The following AK5 variants were observed in gnomAD, a reference collection of about 807,000 sequenced individuals.
The protein encoded by AK5 is adenylate kinase 5, also known as adenylate kinase isoenzyme 5.
In AK5, 27 loss-of-function variants were observed where a neutral mutation model predicts 69.5. The ratio of observed to expected loss-of-function variants is 0.39; its 90% CI spans 0.29 to 0.54. AK5 has a LOEUF of 0.54. AK5 is among the 20% of genes least tolerant of loss of function. The probability of loss-of-function intolerance (pLI) is 0.71; values close to 1 mark genes in which losing one functional copy is unlikely to be tolerated. For synonymous variants in AK5, 260 were observed against 244.4 expected (o/e 1.06, Z -0.60); for missense variants, 531 against 700.4 (o/e 0.76, Z 2.73).
chr1:77,375,832 C>T (rs930492186), intron 6 of AK5, among the ~76,000 whole-genome samples: 2 of 152,122 alleles, frequency 1.3e-5, no homozygotes, highest in South Asian at 2.1e-4. Flanking sequence ...TGGAAGCCTG[C>T]GACTGACTCT....
chr1:77,334,584 C>G (rs1661253805), intron 5 of AK5, among the ~76,000 whole-genome samples: 1 of 152,070 alleles, frequency 6.6e-6, no homozygotes, highest in Non-Finnish European at 1.5e-5. Flanking sequence ...TCTCAGGTGT[C>G]TCTTTTGCTC....
chr1:77,371,874 G>A (rs1029140368), intron 6 of AK5, among the ~76,000 whole-genome samples: 2 of 152,172 alleles, frequency 1.3e-5, no homozygotes, highest in African/African-American at 2.4e-5. Flanking sequence ...CATCATGGGA[G>A]AAGGAAGAGG....
chr1:77,517,356 A>G (rs571771547), intron 10 of AK5, among the ~76,000 whole-genome samples: 72 of 152,240 alleles, frequency 4.7e-4, no homozygotes, highest in African/African-American at 1.6e-3. Flanking sequence ...TGGCCAGGTC[A>G]ATGTGGCCAC....
chr1:77,502,577 A>G (rs995463862), intron 10 of AK5, among the ~76,000 whole-genome samples: 1 of 152,242 alleles, frequency 6.6e-6, no homozygotes, highest in African/African-American at 2.4e-5. Flanking sequence ...AGTCTAATGT[A>G]GGCCTCCTCC....
At chr1:77,395,836 T>TCGC (rs1366504227) in intron 6 of AK5, among the ~76,000 whole-genome samples, 2 of 152,188 alleles carry the variant, frequency 1.3e-5, no homozygotes, top group Non-Finnish European at 2.9e-5. Flanking sequence ...AAGAGCATCG[T>TCGC]CTATTTCTTC....
chr1:77,430,164 G>A (rs1404068743), intron 8 of AK5, among the ~76,000 whole-genome samples: 13 of 152,032 alleles, frequency 8.6e-5, no homozygotes, highest in Admixed American at 8.5e-4. Flanking sequence ...GGCATCTATG[G>A]AGTCCAGAGT....
chr1:77,338,432 G>A (rs955139002), intron 5 of AK5, among the ~76,000 whole-genome samples: 2 of 152,206 alleles, frequency 1.3e-5, no homozygotes, highest in Non-Finnish European at 2.9e-5. Flanking sequence ...ATTTAGGTGG[G>A]AAGTTGCTGA....
At chr1:77,294,484 T>C (rs1284447945) in intron 3 of AK5, among the ~76,000 whole-genome samples, 1 of 152,164 alleles carries the variant, frequency 6.6e-6, no homozygotes, top group African/African-American at 2.4e-5. Context: ...TTACTCACTA[T>C]TAACTTTAGA....
chr1:77,292,461 A>G (rs1214301311), intron 2 of AK5, among the ~76,000 whole-genome samples: 1 of 152,176 alleles, frequency 6.6e-6, no homozygotes, highest in Non-Finnish European at 1.5e-5. Flanking sequence ...GCCTTATGCC[A>G]TGCTAAGATA....
At position 77,558,878 on chromosome 1, in the gene AK5, A is replaced by ATTCT; in HGVS notation, c.*209_*212dup. The ATTCT allele has an allele frequency of 5.6e-6, 3 of 533,582 alleles. No homozygotes were observed. The highest frequency in any genetic ancestry group is 6.7e-5 in the Admixed American group (2 of 29,780). The allele number at this position is 533,582 out of a possible 1,614,324, so 33.1% of individuals were successfully genotyped here. A position where few individuals can be genotyped will look rare whatever the true frequency, so the allele number is the denominator to read the frequency against. ...GGTGTATTTGGGACTATATCAACCT[A>ATTCT]TTCTCCACACTTCAGACAACTGTCT... is the stretch of plus-strand genomic sequence containing the variant. On this transcript the variant is annotated 3_prime_UTR_variant, in exon 14 of 14. Transcript: ENST00000354567.
intron 6 of AK5, among the ~76,000 whole-genome samples, chr1:77,351,125 G>T (rs190753722): frequency 3.4e-4 from 52 of 152,284 alleles, no homozygotes; most frequent in Admixed American, 2.1e-3. Context: ...CGGGCGCGGT[G>T]GCTCATGTCT....
At chr1:77,352,505 A>G (rs908230757) in intron 6 of AK5, among the ~76,000 whole-genome samples, 2 of 152,208 alleles carry the variant, frequency 1.3e-5, no homozygotes, top group Admixed American at 1.3e-4. Flanking sequence ...ACCAGAACTT[A>G]TGTCCAAGTA....
intron 6 of AK5, among the ~76,000 whole-genome samples, chr1:77,358,035 G>GAGAC (rs1662636573): frequency 6.6e-6 from 1 of 151,456 alleles, no homozygotes; most frequent in East Asian, 1.9e-4. Flanking sequence ...GAGAGAGAGA[G>GAGAC]AGAGACAGAG....
intron 8 of AK5, among the ~76,000 whole-genome samples, chr1:77,481,690 C>T (rs1298091593): frequency 1.3e-5 from 2 of 152,206 alleles, no homozygotes; most frequent in Non-Finnish European, 2.9e-5. Flanking sequence ...AAAGCACAAG[C>T]CAGAGGCTGT....
chr1:77,405,777 C>T (rs114053350), intron 6 of AK5, among the ~76,000 whole-genome samples: 1 of 152,134 alleles, frequency 6.6e-6, no homozygotes. Context: ...ACTCCCTCCC[C>T]CTACCAGACT....
At chr1:77,447,603 G>T (rs77349989) in intron 8 of AK5, among the ~76,000 whole-genome samples, 2 of 152,228 alleles carry the variant, frequency 1.3e-5, no homozygotes, top group East Asian at 1.9e-4. Flanking sequence ...AATTAATTTC[G>T]TGGCTTCTCT....
At chr1:77,506,786 G>T (rs976930158) in intron 10 of AK5, among the ~76,000 whole-genome samples, 6 of 152,140 alleles carry the variant, frequency 3.9e-5, no homozygotes, top group African/African-American at 1.4e-4. Context: ...ATCACTTGAG[G>T]CCAGGAGTTC....
intron 12 of AK5, among the ~76,000 whole-genome samples, chr1:77,531,712 C>T (rs1658601918): frequency 6.6e-6 from 1 of 152,220 alleles, no homozygotes; most frequent in African/African-American, 2.4e-5. Flanking sequence ...CCCAGTGGAT[C>T]CTGCACTGGG....
At chr1:77,282,691 C>A in intron 1 of AK5, 1 of 1,121,784 alleles carries the variant, frequency 8.9e-7, no homozygotes, top group Non-Finnish European at 1.1e-6. Context: ...GCGGCCGGGC[C>A]GCACTCTCTG....
Sources: gnomAD v4.1 joint callset for allele counts (sites outside exome capture counted in the v4.1 genomes callset) on GRCh38, gnomAD v4.1.1 for gene constraint, MANE v1.5 for transcripts, NCBI Gene and HGNC (gene_info 2026-07-23, HGNC 2026-07-21) for gene names.